The following USP6NL variants were observed in gnomAD, a reference collection of about 807,000 sequenced individuals.
USP6NL encodes the protein USP6 N-terminal like.
In USP6NL, 26 loss-of-function variants were observed where a neutral mutation model predicts 61.9. The observed-to-expected ratio is 0.42, with a 90% CI of 0.31 to 0.58. USP6NL has a LOEUF of 0.58. Among genes scored for constraint, USP6NL ranks in the 20% least tolerant of loss-of-function variants. The pLI, the probability that USP6NL is intolerant of heterozygous loss-of-function variation, is 0.16. For missense variants in USP6NL, 1,114 were observed against 1,034.3 expected (o/e 1.08, Z -1.06); for synonymous variants, 432 against 390.1 (o/e 1.11, Z -1.27).
chr10:11,524,798 T>G (rs572500463), intron 4 of USP6NL, among the ~76,000 whole-genome samples: 8 of 152,272 alleles, frequency 5.3e-5, no homozygotes, highest in Admixed American at 1.3e-4. Context: ...AGGAAACCGA[T>G]TAAACAATAC....
At chr10:11,567,544 T>C (rs1837208256) in intron 2 of USP6NL, among the ~76,000 whole-genome samples, 1 of 152,244 alleles carries the variant, frequency 6.6e-6, no homozygotes, top group Non-Finnish European at 1.5e-5. Context: ...ATACTGCTTA[T>C]AGTTTTCCAA....
chr10:11,579,748 AT>A (rs544304300), intron 2 of USP6NL, among the ~76,000 whole-genome samples: 111 of 152,260 alleles, frequency 7.3e-4, no homozygotes, highest in African/African-American at 2.6e-3. Flanking sequence ...GCCCCAGACC[AT>A]GTCCCTCATG....
At position 11,474,764 on chromosome 10, in the gene USP6NL, T is replaced by C. The variant is rs1378931719; in HGVS notation, c.1078+7006A>G. ...AAAGGGCTGCTGGAAAAAATTAAGT[T>C]AATATGTGAATTCAAAGCATTTAGC... On this transcript the variant is annotated intron_variant, in intron 14 of 14. Coordinates refer to ENST00000609104, the MANE Select transcript of USP6NL (RefSeq NM_014688.5). The surrounding 1 kb of genome is among the most constrained non-coding windows in gnomAD (Gnocchi z 4.9). 6.6e-6 allele frequency among the ~76,000 whole-genome samples: 1 copy of C among 152,178 alleles called. No homozygotes were observed. The highest frequency in any genetic ancestry group is 1.5e-5 in the Non-Finnish European group (1 of 68,032).
rs1256170630 is a variant in USP6NL at position 11,463,475 on chromosome 10, G to T, written c.1453C>A (p.Pro485Thr). The T allele has an allele frequency of 6.2e-7, 1 of 1,614,026 alleles. No homozygotes were observed. The highest frequency in any genetic ancestry group is 8.5e-7 in the Non-Finnish European group (1 of 1,179,900). Reference sequence around the variant, plus strand: ...ACGTCTGACGGTTTATTCCATTTGGGCACAAACTCCTTCCTGATATTTGAA... The same window carrying T: ...ACGTCTGACGGTTTATTCCATTTGGTCACAAACTCCTTCCTGATATTTGAA... ...ATSNIRKEFV[P>T]KWNKPSDVSA... is the part of the protein sequence containing the mutation. The change falls in exon 15 of 15, where the codon CCC (proline) becomes ACC (threonine). Residue 485 changes from proline (P) to threonine (T), a missense_variant. Transcript: ENST00000609104. The surrounding 1 kb of genome is among the most constrained non-coding windows in gnomAD (Gnocchi z 6.3).
rs1487382578 is a variant in USP6NL at position 11,520,881 on chromosome 10, C to G, written c.156-2307G>C. Among the ~76,000 whole-genome samples the G allele has an allele frequency of 6.6e-6, 1 of 152,110 alleles. No homozygotes were observed. Among genetic ancestry groups the G allele is most frequent in the Non-Finnish European group, 1.5e-5 (1 of 68,016 alleles). On this transcript the variant is annotated intron_variant, in intron 4 of 14. Coordinates refer to ENST00000609104, the MANE Select transcript of USP6NL (RefSeq NM_014688.5). The surrounding 1 kb of genome is among the most constrained non-coding windows in gnomAD (Gnocchi z 5.2). Reference sequence around the variant, plus strand: ...TCTTTAGAGAAAATGTTTGCCAAACCCTGCTTTAGAGAACAAGGGCTTAAG... The same window carrying G: ...TCTTTAGAGAAAATGTTTGCCAAACGCTGCTTTAGAGAACAAGGGCTTAAG...
intron 1 of USP6NL, among the ~76,000 whole-genome samples, chr10:11,609,677 G>A (rs1180291789): frequency 1.3e-5 from 2 of 152,200 alleles, no homozygotes; most frequent in Admixed American, 6.5e-5. Context: ...GCTACAAAAT[G>A]TAACAAGGAC....
chr10:11,555,469 GAA>G (rs1491445863), intron 2 of USP6NL, among the ~76,000 whole-genome samples: 3,396 of 66,556 alleles, frequency 0.051, 117 homozygotes, highest in Non-Finnish European at 0.067. Context: ...GAGAGAGAGA[GAA>G]AGAGAGAGAG....
chr10:11,495,114 A>C lies in USP6NL; in HGVS notation c.385-1886T>G, dbSNP rs1266024929. On this transcript the variant is annotated intron_variant, in intron 7 of 14. Coordinates refer to ENST00000609104, the MANE Select transcript of USP6NL (RefSeq NM_014688.5). This position sits in a 1 kb window ranked among gnomAD's most constrained non-coding sequence, Gnocchi z 4.6. The stretch of plus-strand genomic sequence containing the variant: ...CTTCCCAGATGCTGGCGTTACCGCT[A>C]GACCAAGGAGCCCTCTGGTGGCCCT... Among the ~76,000 whole-genome samples the C allele has an allele frequency of 6.6e-6, 1 of 152,244 alleles. No homozygotes were observed. The highest frequency in any genetic ancestry group is 1.5e-5 in the Non-Finnish European group (1 of 68,044).
chr10:11,487,149 A>T lies in USP6NL; in HGVS notation c.665-1238T>A, dbSNP rs1175517469. On this transcript the variant is annotated intron_variant, in intron 10 of 14. Transcript: ENST00000609104. This position sits in a 1 kb window ranked among gnomAD's most constrained non-coding sequence, Gnocchi z 4.2. ...AGAAAAGTCTAATTTTCGAAAAGTC[A>T]ATACAGTTCAGTAATAACTAGCTCA... Among the ~76,000 whole-genome samples the T allele has an allele frequency of 1.3e-5, 2 of 152,224 alleles. No individual in the cohort carries two copies. The highest frequency in any genetic ancestry group is 4.8e-5 in the African/African-American group (2 of 41,462).
chr10:11,464,757 T>C lies in USP6NL; in HGVS notation c.1079-908A>G, dbSNP rs78964917. Reference sequence around the variant, plus strand: ...GCTGGCAGAACCCACGTTGTTCTTATACCTTTTGGTAAGAAATATATTTTA... The same window carrying C: ...GCTGGCAGAACCCACGTTGTTCTTACACCTTTTGGTAAGAAATATATTTTA... On this transcript the variant is annotated intron_variant, in intron 14 of 14. Coordinates refer to ENST00000609104, the MANE Select transcript of USP6NL (RefSeq NM_014688.5). Among the ~76,000 whole-genome samples the C allele has an allele frequency of 2.6e-3, 395 of 152,378 alleles. 2 individuals are homozygous for C. The highest frequency in any genetic ancestry group is 8.6e-3 in the African/African-American group (357 of 41,598).
chr10:11,558,004 T>C (rs1364770793), intron 2 of USP6NL, among the ~76,000 whole-genome samples: 1 of 152,220 alleles, frequency 6.6e-6, no homozygotes, highest in Non-Finnish European at 1.5e-5. Context: ...ACAGTATGAC[T>C]GTCAGGCAGC....
chr10:11,464,323 A>G (rs1005496153), intron 14 of USP6NL, among the ~76,000 whole-genome samples: 3 of 152,212 alleles, frequency 2.0e-5, no homozygotes, highest in Non-Finnish European at 2.9e-5. Flanking sequence ...CGATTGTGGT[A>G]CTACTGAATG....
chr10:11,532,172 CT>C lies in USP6NL; in HGVS notation c.5-4606del. The C allele has an allele frequency of 6.3e-7, 1 of 1,580,102 alleles. No homozygotes were observed. The highest frequency in any genetic ancestry group is 8.6e-7 in the Non-Finnish European group (1 of 1,156,990). ...ATAAACAACATCAATTTTAAAAGTACTTTACCCTTTGTGAGATAATCAGTCT... is the reference window on the plus strand; with the variant it reads ...ATAAACAACATCAATTTTAAAAGTACTTACCCTTTGTGAGATAATCAGTCT... On this transcript the variant is annotated intron_variant, in intron 2 of 14. Transcript: ENST00000609104. This position sits in a 1 kb window ranked among gnomAD's most constrained non-coding sequence, Gnocchi z 4.1.
chr10:11,526,352 TC>T (rs1301670334), intron 3 of USP6NL, among the ~76,000 whole-genome samples: 2 of 152,144 alleles, frequency 1.3e-5, no homozygotes, highest in Non-Finnish European at 2.9e-5. Flanking sequence ...ACTGGGAGCA[TC>T]CTGTAGGCAA....
chr10:11,572,618 T>A (rs1439793547), intron 2 of USP6NL, among the ~76,000 whole-genome samples: 1 of 152,094 alleles, frequency 6.6e-6, no homozygotes, highest in Non-Finnish European at 1.5e-5. Flanking sequence ...TGGAATCTCA[T>A]AAGCTTTACT....
chr10:11,521,337 TTATA>T (rs1056078250), intron 4 of USP6NL, among the ~76,000 whole-genome samples: 1 of 147,074 alleles, frequency 6.8e-6, no homozygotes, highest in African/African-American at 2.5e-5. Context: ...AAAATATATA[TTATA>T]TATTATTATA....
At position 11,481,852 on chromosome 10, in the gene USP6NL, G is replaced by C. The variant is rs544302829; in HGVS notation, c.996C>G (p.Phe332Leu). The stretch of plus-strand genomic sequence containing the variant: ...GCTCTATCACAAAATCATCTTCAAA[G>C]AAAAAATCCTTTGCCAGGGTCTCCT... Reference protein sequence around the residue: ...FFQETLAKDFFFEDDFVIEQL... With the variant: ...FFQETLAKDFLFEDDFVIEQL... The change falls in exon 14 of 15, where the codon TTC becomes TTG. Residue 332 changes from phenylalanine to leucine, a missense_variant. Physicochemically the swap from Phe to Leu is conservative, Grantham distance 22. Coordinates refer to ENST00000609104, the MANE Select transcript of USP6NL (RefSeq NM_014688.5). This position sits in a 1 kb window ranked among gnomAD's most constrained non-coding sequence, Gnocchi z 4.4. 6.2e-7 allele frequency: 1 copy of C among 1,612,394 alleles called. No individual in the cohort carries two copies. The highest frequency in any genetic ancestry group is 1.3e-5 in the African/African-American group (1 of 74,844).
rs956831184 is a variant in USP6NL, at chr10:11,462,759, G to A, written c.2169C>T (p.Ile723=). 1 of 1,614,028 alleles carries A rather than the reference G, an allele frequency of 6.2e-7. No homozygotes were observed. Among genetic ancestry groups the A allele is most frequent in the Non-Finnish European group, 8.5e-7 (1 of 1,179,904 alleles). Residue 723 remains isoleucine, a synonymous_variant, in exon 15 of 15, where the codon ATC becomes ATT. Transcript: ENST00000609104. ...CTGGCAAGTAATCCACTGGTGGAAT[G>A]ATCAATTTTCCATTCTTTGGTGACC... The part of the protein sequence containing the change: ...NSGSPKNGKL[I]IPPVDYLPDN...
At chr10:11,566,174 G>C (rs140838489) in intron 2 of USP6NL, among the ~76,000 whole-genome samples, 5 of 152,318 alleles carry the variant, frequency 3.3e-5, no homozygotes, top group African/African-American at 4.8e-5. Flanking sequence ...CACCCTGAAA[G>C]CAGTGAGCAC....
Sources: gnomAD v4.1 joint callset for allele counts (sites outside exome capture counted in the v4.1 genomes callset) on GRCh38, gnomAD v4.1.1 for gene constraint, Gnocchi (gnomAD v3.1) non-coding constraint, MANE v1.5 for transcripts, NCBI Gene and HGNC (gene_info 2026-07-23, HGNC 2026-07-21) for gene names.